Variants in FAF1 observed in about 807,000 individuals in gnomAD.
FAF1 encodes Fas associated factor 1.
In FAF1, 25 loss-of-function variants were observed where a neutral mutation model predicts 92.5. That is an observed-to-expected ratio of 0.27 (90% CI 0.20 to 0.38). The LOEUF (loss-of-function observed/expected upper bound fraction) is 0.38, where lower values mean the gene tolerates loss of function less well. Among genes scored for constraint, FAF1 ranks in the 10% least tolerant of loss-of-function variants. The pLI, the probability that FAF1 is intolerant of heterozygous loss-of-function variation, is 1.00. For synonymous variants in FAF1, 234 were observed against 273.2 expected, an observed-to-expected ratio of 0.86 and a Z score of 1.42; for missense variants, 636 against 793.3, an observed-to-expected ratio of 0.80 and a Z score of 2.38.
chr1:50,739,489 ATG>A (rs1250251490), intron 5 of FAF1, among the ~76,000 whole-genome samples: 2 of 152,200 alleles, frequency 1.3e-5, no homozygotes, highest in Admixed American at 6.5e-5. Flanking sequence ...ATAAACCTGA[ATG>A]TTAATATATA....
At chr1:50,498,647 C>T (rs555585523) in intron 15 of FAF1, among the ~76,000 whole-genome samples, 8 of 152,160 alleles carry the variant, frequency 5.3e-5, no homozygotes, top group South Asian at 2.1e-4. Flanking sequence ...GTCAGGAGTT[C>T]GAGACCAGCC....
At chr1:50,647,751 G>A (rs747808697) in intron 8 of FAF1, among the ~76,000 whole-genome samples, 3 of 152,086 alleles carry the variant, frequency 2.0e-5, no homozygotes, top group Non-Finnish European at 2.9e-5. Context: ...GTTATTGTTC[G>A]ACAGTTACGG....
At chr1:50,497,539 TC>T (rs1646913688) in intron 15 of FAF1, among the ~76,000 whole-genome samples, 3 of 122,776 alleles carry the variant, frequency 2.4e-5, no homozygotes, top group Middle Eastern at 4.2e-3. Context: ...TATTCAAAAC[TC>T]TTTTTTTTTT....
chr1:50,462,000 ATT>A (rs1305182135), intron 18 of FAF1, among the ~76,000 whole-genome samples: 2 of 147,970 alleles, frequency 1.4e-5, no homozygotes, highest in African/African-American at 2.5e-5. Flanking sequence ...TTTTATATAT[ATT>A]ATATACATTA....
chr1:50,919,556 C>T (rs947553957), intron 1 of FAF1, among the ~76,000 whole-genome samples: 1 of 150,834 alleles, frequency 6.6e-6, no homozygotes, highest in South Asian at 2.1e-4. Context: ...GGCACGGTCT[C>T]GGCTCACTGC....
chr1:50,786,651 G>C (rs1017704128), intron 4 of FAF1, among the ~76,000 whole-genome samples: 1 of 152,180 alleles, frequency 6.6e-6, no homozygotes, highest in South Asian at 2.1e-4. Context: ...TGGGTACAGG[G>C]TGAAGGGGTT....
At chr1:50,524,693 G>C (rs907824537) in intron 15 of FAF1, among the ~76,000 whole-genome samples, 3 of 152,136 alleles carry the variant, frequency 2.0e-5, no homozygotes, top group Non-Finnish European at 2.9e-5. Context: ...TCAGATAGTT[G>C]TAGGTGTGCG....
chr1:50,804,246 G>C (rs1662107630), intron 2 of FAF1, among the ~76,000 whole-genome samples: 1 of 152,074 alleles, frequency 6.6e-6, no homozygotes, highest in Non-Finnish European at 1.5e-5. Flanking sequence ...TACCAAAATG[G>C]AGATGTCCAA....
At chr1:50,757,458 C>A in intron 4 of FAF1, among the ~76,000 whole-genome samples, 1 of 152,134 alleles carries the variant, frequency 6.6e-6, no homozygotes, top group East Asian at 1.9e-4. Context: ...AGTTAGGATA[C>A]TTATGTCTTC....
intron 1 of FAF1, among the ~76,000 whole-genome samples, chr1:50,947,873 T>C (rs998729992): frequency 6.6e-6 from 1 of 152,238 alleles, no homozygotes; most frequent in Non-Finnish European, 1.5e-5. Context: ...TACAATTCTA[T>C]TCCATTTGTA....
intron 7 of FAF1, among the ~76,000 whole-genome samples, chr1:50,679,089 AAAAAACACCAAAAACATTTTTC>A (rs1656307126): frequency 6.6e-6 from 1 of 152,236 alleles, no homozygotes; most frequent in African/African-American, 2.4e-5. Context: ...TCCGTCTCAA[AAAAAACACCAAAAACATTTTTC>A]TGTGCCAGAT....
At chr1:50,607,249 G>A (rs1436491911) in intron 8 of FAF1, among the ~76,000 whole-genome samples, 1 of 152,120 alleles carries the variant, frequency 6.6e-6, no homozygotes, top group Admixed American at 6.5e-5. Flanking sequence ...GATTCCAGGT[G>A]TGTAAATACT....
intron 1 of FAF1, among the ~76,000 whole-genome samples, chr1:50,953,429 A>T (rs936371670): frequency 5.9e-5 from 9 of 151,448 alleles, no homozygotes; most frequent in Admixed American, 2.6e-4. Flanking sequence ...ATAAATTTTT[A>T]AAAAAAGAAA....
At chr1:50,734,464 A>G (rs12091670) in intron 6 of FAF1, among the ~76,000 whole-genome samples, 15,935 of 152,086 alleles carry the variant, frequency 0.1, 926 homozygotes, top group African/African-American at 0.16. Context: ...GCCGGCCAAG[A>G]TGGCTCAAGC....
At chr1:50,893,004 A>C (rs1644731787) in intron 1 of FAF1, among the ~76,000 whole-genome samples, 1 of 152,164 alleles carries the variant, frequency 6.6e-6, no homozygotes, top group African/African-American at 2.4e-5. Flanking sequence ...TGAGTAGTTC[A>C]ATTGCATTTT....
At chr1:50,539,546 AT>A (rs760077295) in intron 14 of FAF1, 45 bp downstream of exon 14, 3 of 1,451,682 alleles carry the variant, frequency 2.1e-6, no homozygotes, top group Non-Finnish European at 2.8e-6. Flanking sequence ...CTATAAAGTT[AT>A]CACATACCAG....
chr1:50,900,242 A>G (rs1444161264), intron 1 of FAF1, among the ~76,000 whole-genome samples: 1 of 152,246 alleles, frequency 6.6e-6, no homozygotes, highest in East Asian at 1.9e-4. Context: ...ACTTTTCTAA[A>G]CTAACTTAAT....
chr1:50,617,513 G>A (rs1235432697), intron 8 of FAF1, among the ~76,000 whole-genome samples: 4 of 152,044 alleles, frequency 2.6e-5, no homozygotes, highest in South Asian at 2.1e-4. Flanking sequence ...TAACTGTGGC[G>A]AATTAAGTTT....
chr1:50,689,777 T>C (rs1656833637), intron 7 of FAF1, among the ~76,000 whole-genome samples: 4 of 152,304 alleles, frequency 2.6e-5, no homozygotes, highest in Admixed American at 2.0e-4. Flanking sequence ...ACGGATTACA[T>C]GTGGCAACAC....
Sources: gnomAD v4.1 joint callset for allele counts (sites outside exome capture counted in the v4.1 genomes callset) on GRCh38, gnomAD v4.1.1 for gene constraint, MANE v1.5 for transcripts, NCBI Gene and HGNC (gene_info 2026-07-23, HGNC 2026-07-21) for gene names.